NRXN3: variants seen among roughly 807,000 people sequenced by gnomAD.
NRXN3 encodes the protein neurexin 3.
NRXN3 carries 32 observed loss-of-function variants against 137.6 expected under a neutral mutation model. The ratio of observed to expected loss-of-function variants is 0.23; its 90% CI spans 0.18 to 0.31. The LOEUF is 0.31. Ranked by LOEUF, NRXN3 falls within the 10% of genes least tolerant of loss-of-function variation. The probability of loss-of-function intolerance (pLI) is 1.00; values close to 1 mark genes in which losing one functional copy is unlikely to be tolerated. For synonymous variants in NRXN3, 798 were observed against 784.5 expected, an observed-to-expected ratio of 1.02 and a Z score of -0.29; for missense variants, 1,574 against 2,062.5, an observed-to-expected ratio of 0.76 and a Z score of 4.59.
chr14:78,541,717 G>A (rs1405582243), intron 4 of NRXN3, among the ~76,000 whole-genome samples: 2 of 152,180 alleles, frequency 1.3e-5, no homozygotes, highest in South Asian at 2.1e-4. Flanking sequence ...AGAATTTTCA[G>A]CTTTCCTGCT....
chr14:78,491,169 T>G (rs1360829814), intron 4 of NRXN3, among the ~76,000 whole-genome samples: 1 of 152,198 alleles, frequency 6.6e-6, no homozygotes, highest in Non-Finnish European at 1.5e-5. Context: ...TAGGATGGCG[T>G]GAGCTGGTCC....
At chr14:78,245,746 T>G (rs1188253732) in intron 2 of NRXN3, among the ~76,000 whole-genome samples, 2 of 152,206 alleles carry the variant, frequency 1.3e-5, no homozygotes, top group African/African-American at 4.8e-5. Flanking sequence ...CTCCACTCCT[T>G]TCTTCTAATG....
At position 78,329,422 on chromosome 14, in the gene NRXN3, A is replaced by T. The variant is rs189493639; in HGVS notation, c.757+31562A>T. Among the ~76,000 whole-genome samples, 144 of 152,292 alleles carry T rather than the reference A, an allele frequency of 9.5e-4. 1 individual carries two copies. The highest frequency in any genetic ancestry group is 2.8e-4 in the Non-Finnish European group (19 of 68,034). ...AAATTGGCTGATTTGTCATGATTAC[A>T]TCATGTGTAATACTTGATCACAGAG... On this transcript the variant is annotated intron_variant, in intron 4 of 20. Transcript: ENST00000335750.
rs543660430 is a variant in NRXN3 at position 78,772,631 on chromosome 14, A to G, written c.2045-30989A>G. ...AGGTCAATGTTTCTTAAACTTTAATATGCACACAAATCATCTGGGGATTTT... is the reference window on the plus strand; with the variant it reads ...AGGTCAATGTTTCTTAAACTTTAATGTGCACACAAATCATCTGGGGATTTT... On this transcript the variant is annotated intron_variant, in intron 8 of 20. Coordinates refer to ENST00000335750, the MANE Select transcript of NRXN3 (RefSeq NM_001330195.2). 1.4e-4 allele frequency among the ~76,000 whole-genome samples: 21 copies of G among 152,312 alleles called. No homozygotes were observed. In the South Asian group the frequency reaches 2.1e-3, roughly 15 times the overall value.
At chr14:79,353,165 C>G (rs1388225047) in intron 15 of NRXN3, among the ~76,000 whole-genome samples, 1 of 151,918 alleles carries the variant, frequency 6.6e-6, no homozygotes, top group Non-Finnish European at 1.5e-5. Flanking sequence ...CTAATAATCT[C>G]ACTTTCTGAA....
At chr14:79,263,417 A>G (rs1277961710) in intron 15 of NRXN3, among the ~76,000 whole-genome samples, 1 of 152,174 alleles carries the variant, frequency 6.6e-6, no homozygotes, top group Non-Finnish European at 1.5e-5. Flanking sequence ...AAATCCGGGG[A>G]AAACATGTTT....
intron 19 of NRXN3, among the ~76,000 whole-genome samples, chr14:79,698,324 T>G (rs779253054): frequency 6.6e-6 from 1 of 152,012 alleles, no homozygotes; most frequent in Non-Finnish European, 1.5e-5. Context: ...TCAATTTCAT[T>G]CACATTCTCC....
intron 16 of NRXN3, among the ~76,000 whole-genome samples, chr14:79,502,022 G>T (rs140060304): frequency 5.6e-4 from 86 of 152,288 alleles, no homozygotes; most frequent in African/African-American, 2.0e-3. Flanking sequence ...TACATTTGGA[G>T]ATCCTTAGAA....
At chr14:78,476,887 T>G (rs2095389342) in intron 4 of NRXN3, among the ~76,000 whole-genome samples, 1 of 152,232 alleles carries the variant, frequency 6.6e-6, no homozygotes, top group African/African-American at 2.4e-5. Flanking sequence ...CATAACACCT[T>G]AGATGAAATG....
intron 4 of NRXN3, among the ~76,000 whole-genome samples, chr14:78,521,440 C>G (rs1377613130): frequency 6.6e-6 from 1 of 152,098 alleles, no homozygotes; most frequent in East Asian, 1.9e-4. Flanking sequence ...GTCTTTAATT[C>G]TTTTCTTAAA....
rs555312436 is a variant in NRXN3, at chr14:78,996,425, A to G, written c.3262+8284A>G. ...GCAAAGTCTGGGCTCTGGACTGCCA[A>G]TATCTTCTTAATGCCTCAGGGAAAG... On this transcript the variant is annotated intron_variant, in intron 15 of 20. Transcript: ENST00000335750. Among the ~76,000 whole-genome samples the G allele has an allele frequency of 2.0e-5, 3 of 152,316 alleles. No homozygotes were observed. In the South Asian group the frequency reaches 6.2e-4, roughly 32 times the overall value.
At chr14:79,035,652 C>G (rs1451953676) in intron 15 of NRXN3, among the ~76,000 whole-genome samples, 1 of 152,006 alleles carries the variant, frequency 6.6e-6, no homozygotes. Flanking sequence ...CTGAATCTAA[C>G]TCAATCTAAA....
At chr14:78,923,606 T>A (rs935867779) in intron 10 of NRXN3, among the ~76,000 whole-genome samples, 1 of 152,202 alleles carries the variant, frequency 6.6e-6, no homozygotes, top group African/African-American at 2.4e-5. Context: ...CAGAAGAGAA[T>A]TGAGGAATTA....
chr14:79,490,038 C>CAAAA (rs370581169), intron 16 of NRXN3, among the ~76,000 whole-genome samples: 1,052 of 72,704 alleles, frequency 0.014, 32 homozygotes, highest in African/African-American at 0.037. Context: ...TACTCCATCT[C>CAAAA]AAAAAAAAAA....
intron 1 of NRXN3, among the ~76,000 whole-genome samples, chr14:78,215,303 C>A (rs2063143992): frequency 6.6e-6 from 1 of 152,036 alleles, no homozygotes; most frequent in African/African-American, 2.4e-5. Context: ...AGAGAGGAGA[C>A]CTGTGGGATG....
intron 20 of NRXN3, among the ~76,000 whole-genome samples, chr14:79,846,399 G>A (rs1568438170): frequency 1.3e-5 from 2 of 152,196 alleles, no homozygotes; most frequent in East Asian, 3.9e-4. Flanking sequence ...AAATAGAAAG[G>A]AGAGAAAAAC....
rs1440154577 is a variant in NRXN3 at position 79,723,143 on chromosome 14, A to G, written c.4014+25206A>G. Among the ~76,000 whole-genome samples, 4 of 152,138 alleles carry G rather than the reference A, an allele frequency of 2.6e-5. No homozygotes were observed. In the East Asian group the frequency reaches 7.7e-4, roughly 29 times the overall value. On this transcript the variant is annotated intron_variant, in intron 19 of 20. Transcript: ENST00000335750. ...ACATACCGGAGAAAAATATGCCAAC[A>G]TAGTAGCTTGGAGGAAATACTTGGA...
At chr14:78,777,105 G>A (rs1567280027) in intron 8 of NRXN3, among the ~76,000 whole-genome samples, 1 of 152,014 alleles carries the variant, frequency 6.6e-6, no homozygotes, top group African/African-American at 2.4e-5. Flanking sequence ...GCCCTCATGT[G>A]GTATCCTGTT....
intron 16 of NRXN3, among the ~76,000 whole-genome samples, chr14:79,581,546 C>T (rs1227060773): frequency 1.3e-5 from 2 of 152,132 alleles, no homozygotes; most frequent in Admixed American, 6.6e-5. Flanking sequence ...GGGGTGTTTT[C>T]GTCAATGCCC....
Sources: gnomAD v4.1 joint callset for allele counts (sites outside exome capture counted in the v4.1 genomes callset) on GRCh38, gnomAD v4.1.1 for gene constraint, MANE v1.5 for transcripts, NCBI Gene and HGNC (gene_info 2026-07-23, HGNC 2026-07-21) for gene names.